Variants in SEMA5A observed in about 807,000 individuals in gnomAD.
SEMA5A encodes the protein semaphorin-5A.
Under a neutral mutation model 135.5 loss-of-function variants are expected in SEMA5A, and 55 were observed. The observed-to-expected ratio is 0.41, with a 90% CI of 0.33 to 0.51. SEMA5A has a LOEUF of 0.51. Among genes scored for constraint, SEMA5A ranks in the 20% least tolerant of loss-of-function variants. The pLI, the probability that SEMA5A is intolerant of heterozygous loss-of-function variation, is 0.37. For missense variants in SEMA5A, 1,290 were observed against 1,419.9 expected, an observed-to-expected ratio of 0.91 and a Z score of 1.47; for synonymous variants, 580 against 546.5, an observed-to-expected ratio of 1.06 and a Z score of -0.85.
chr5:9,144,637 T>C (rs1294159903), intron 12 of SEMA5A, among the ~76,000 whole-genome samples: 1 of 152,202 alleles, frequency 6.6e-6, no homozygotes, highest in African/African-American at 2.4e-5. Context: ...CCTGGCTCTC[T>C]TCACACTTGG....
At chr5:9,217,023 T>C (rs530653468) in intron 8 of SEMA5A, among the ~76,000 whole-genome samples, 36 of 152,302 alleles carry the variant, frequency 2.4e-4, no homozygotes, top group Non-Finnish European at 4.7e-4. Context: ...CCTATCATTA[T>C]GTTGTTAGCT....
In SEMA5A at chr5:9,086,740, T is replaced by C. The variant is rs1738717451; in HGVS notation, c.2074-20094A>G. Reference sequence around the variant, plus strand: ...TTCTCACAAAAGCAAATATTCTTTCTAAATGAAGTGATGACATCATGACCC... The same window carrying C: ...TTCTCACAAAAGCAAATATTCTTTCCAAATGAAGTGATGACATCATGACCC... On this transcript the variant is annotated intron_variant, in intron 16 of 22. Coordinates refer to ENST00000382496, the MANE Select transcript of SEMA5A (RefSeq NM_003966.3). Among the ~76,000 whole-genome samples the C allele has an allele frequency of 2.0e-5, 3 of 152,232 alleles. No homozygotes were observed. In the South Asian group the frequency reaches 6.2e-4, roughly 32 times the overall value.
At chr5:9,163,995 GTATATAATATAATATATA>G (rs1560978865) in intron 11 of SEMA5A, among the ~76,000 whole-genome samples, 1 of 135,012 alleles carries the variant, frequency 7.4e-6, no homozygotes, top group Non-Finnish European at 1.5e-5. Flanking sequence ...TATATATTAT[GTATATAATATAATATATA>G]TTTATAATAT....
chr5:9,500,747 C>T (rs1452470896), intron 1 of SEMA5A, among the ~76,000 whole-genome samples: 3 of 152,142 alleles, frequency 2.0e-5, no homozygotes, highest in Admixed American at 2.0e-4. Context: ...ACCCCACATG[C>T]AGAGTTTCAG....
chr5:9,107,285 T>G (rs1450580561), intron 16 of SEMA5A, among the ~76,000 whole-genome samples: 1 of 152,126 alleles, frequency 6.6e-6, no homozygotes, highest in Non-Finnish European at 1.5e-5. Flanking sequence ...CAAAAGCAAG[T>G]CTTTTGAAAA....
Position 9,216,127 on chromosome 5 carries a change from G to A in SEMA5A, c.646+8547C>T, listed in dbSNP as rs561971854. Among the ~76,000 whole-genome samples, 4 of 152,196 alleles carry A rather than the reference G, an allele frequency of 2.6e-5. 1 individual carries two copies. Among genetic ancestry groups the A allele is most frequent in the African/African-American group, 9.6e-5 (4 of 41,528 alleles). ...CCTAACTTTTTGATGTGAACATTTA[G>A]TGCTATGCCTCTTCACACTCCCTTA... On this transcript the variant is annotated intron_variant, in intron 8 of 22. Coordinates refer to ENST00000382496, the MANE Select transcript of SEMA5A (RefSeq NM_003966.3).
chr5:9,119,627 A>G (rs1332007722), intron 14 of SEMA5A, among the ~76,000 whole-genome samples: 1 of 152,208 alleles, frequency 6.6e-6, no homozygotes, highest in Non-Finnish European at 1.5e-5. Flanking sequence ...ATATCAATGA[A>G]AATCAGTAAC....
At chr5:9,481,364 G>A (rs1222858117) in intron 1 of SEMA5A, among the ~76,000 whole-genome samples, 1 of 152,144 alleles carries the variant, frequency 6.6e-6, no homozygotes, top group Non-Finnish European at 1.5e-5. Context: ...ACCTATTTTG[G>A]TGGCTTATTT....
At chr5:9,328,749 A>C (rs796245181) in intron 4 of SEMA5A, among the ~76,000 whole-genome samples, 13 of 152,188 alleles carry the variant, frequency 8.5e-5, no homozygotes, top group African/African-American at 2.9e-4. Context: ...GCACCACTGC[A>C]CTCCAGCCTG....
In SEMA5A at chr5:9,540,127, G is replaced by T. The variant is rs185809456; in HGVS notation, c.-175+5457C>A. On this transcript the variant is annotated intron_variant, in intron 1 of 22. Transcript: ENST00000382496. Reference sequence around the variant, plus strand: ...AGTCTCTAAGGGCATTTTTTGATTCGGTCACTTACCCAAGATGGCCCGAGA... The same window carrying T: ...AGTCTCTAAGGGCATTTTTTGATTCTGTCACTTACCCAAGATGGCCCGAGA... 1.5e-3 allele frequency among the ~76,000 whole-genome samples: 226 copies of T among 151,956 alleles called. 1 individual carries two copies. Among genetic ancestry groups the T allele is most frequent in the Admixed American group, 2.4e-3 (36 of 15,276 alleles).
intron 1 of SEMA5A, among the ~76,000 whole-genome samples, chr5:9,469,664 A>C (rs1759403430): frequency 6.6e-6 from 1 of 152,228 alleles, no homozygotes; most frequent in South Asian, 2.1e-4. Context: ...AAAGTGCTGG[A>C]GACCCTGAGC....
intron 2 of SEMA5A, among the ~76,000 whole-genome samples, chr5:9,414,497 AAATAGGT>A (rs1757217044): frequency 6.6e-6 from 1 of 152,210 alleles, no homozygotes; most frequent in Non-Finnish European, 1.5e-5. Flanking sequence ...AAATAGATGG[AAATAGGT>A]TCACTTTCAA....
At chr5:9,433,036 C>A (rs555561414) in intron 2 of SEMA5A, among the ~76,000 whole-genome samples, 3 of 152,256 alleles carry the variant, frequency 2.0e-5, no homozygotes, top group African/African-American at 7.2e-5. Flanking sequence ...TGGTTCTAAA[C>A]TAGGTCTCTA....
At chr5:9,332,739 T>C (rs772515747) in intron 4 of SEMA5A, among the ~76,000 whole-genome samples, 54 of 152,264 alleles carry the variant, frequency 3.5e-4, no homozygotes, top group Non-Finnish European at 6.8e-4. Context: ...AGAAGACTCA[T>C]GCATCTCTAG....
intron 11 of SEMA5A, among the ~76,000 whole-genome samples, chr5:9,174,840 G>A (rs933245758): frequency 6.6e-5 from 10 of 152,136 alleles, no homozygotes; most frequent in South Asian, 2.1e-4. Context: ...CTCTGCTACC[G>A]TGCCCTTCAT....
chr5:9,226,790 C>T, intron 7 of SEMA5A, 79 bp downstream of exon 7: 1 of 1,110,766 alleles, frequency 9.0e-7, no homozygotes, highest in East Asian at 2.6e-5. Flanking sequence ...TATAGAAATT[C>T]ATTTAAAACT....
At chr5:9,241,829 G>A (rs1748214380) in intron 5 of SEMA5A, among the ~76,000 whole-genome samples, 1 of 152,072 alleles carries the variant, frequency 6.6e-6, no homozygotes, top group African/African-American at 2.4e-5. Context: ...ACAAAGCTGT[G>A]TATTATCACA....
chr5:9,318,656 A>C (rs1752494128), intron 4 of SEMA5A, among the ~76,000 whole-genome samples: 1 of 152,220 alleles, frequency 6.6e-6, no homozygotes. Flanking sequence ...GTGTCTGTAC[A>C]TACTTACGGT....
chr5:9,196,582 T>C (rs909314583), intron 10 of SEMA5A, among the ~76,000 whole-genome samples: 3 of 152,166 alleles, frequency 2.0e-5, no homozygotes, highest in African/African-American at 7.2e-5. Context: ...AATTGCTTCA[T>C]CTCTTTGGGT....
Sources: gnomAD v4.1 joint callset for allele counts (sites outside exome capture counted in the v4.1 genomes callset) on GRCh38, gnomAD v4.1.1 for gene constraint, MANE v1.5 for transcripts, NCBI Gene and HGNC (gene_info 2026-07-23, HGNC 2026-07-21) for gene names.